The following STK39 variants were observed in gnomAD, a reference collection of about 807,000 sequenced individuals.
STK39 encodes STE20/SPS1-related proline-alanine-rich protein kinase.
Under a neutral mutation model 77.8 loss-of-function variants are expected in STK39, and 20 were observed. That is an observed-to-expected ratio of 0.26 (90% CI 0.18 to 0.37). STK39 has a LOEUF of 0.37. Among genes scored for constraint, STK39 ranks in the 10% least tolerant of loss-of-function variants. STK39 has a pLI of 1.00. For synonymous variants in STK39, 246 were observed against 234.1 expected (o/e 1.05, Z -0.47); for missense variants, 479 against 656.5 (o/e 0.73, Z 2.95).
intron 5 of STK39, among the ~76,000 whole-genome samples, chr2:168,150,437 C>G (rs1688249827): frequency 1.3e-5 from 2 of 152,120 alleles, no homozygotes; most frequent in African/African-American, 4.8e-5. Flanking sequence ...TGGGAATACA[C>G]AGATTTTTAT....
intron 14 of STK39, among the ~76,000 whole-genome samples, chr2:168,031,769 C>T (rs1428574049): frequency 2.0e-5 from 3 of 152,146 alleles, no homozygotes; most frequent in East Asian, 1.9e-4. Flanking sequence ...GACTTCTAGG[C>T]GCCAGAACAA....
Position 168,047,540 on chromosome 2 carries a change from A to G in STK39, c.1376+15960T>C, listed in dbSNP as rs191813777. 2.4e-4 allele frequency among the ~76,000 whole-genome samples: 36 copies of G among 152,338 alleles called. No individual in the cohort carries two copies. In the East Asian group the frequency reaches 5.8e-3, roughly 24 times the overall value. ...TAGAACGAGTTCCAGACAAACGTAC[A>G]AAGTTTGGTTTTACAAAATCCCCAG... On this transcript the variant is annotated intron_variant, in intron 14 of 17. Coordinates refer to ENST00000355999, the MANE Select transcript of STK39 (RefSeq NM_013233.3).
intron 1 of STK39, among the ~76,000 whole-genome samples, chr2:168,238,984 C>T (rs1478465920): frequency 1.3e-5 from 2 of 152,056 alleles, no homozygotes; most frequent in African/African-American, 2.4e-5. Flanking sequence ...CCAAAAAGTA[C>T]ACTGTAAAGG....
At chr2:168,109,574 G>A (rs895895674) in intron 10 of STK39, among the ~76,000 whole-genome samples, 3 of 152,074 alleles carry the variant, frequency 2.0e-5, no homozygotes, top group Non-Finnish European at 2.9e-5. Context: ...ATGGATTCTC[G>A]AAGCGTAAAA....
At chr2:168,157,936 T>G (rs1387863286) in intron 5 of STK39, among the ~76,000 whole-genome samples, 1 of 152,144 alleles carries the variant, frequency 6.6e-6, no homozygotes, top group Non-Finnish European at 1.5e-5. Context: ...TTTTTTTAAA[T>G]CTTAGATTAA....
In STK39 at chr2:168,163,792, A is replaced by T. The variant is rs1688633781; in HGVS notation, c.519T>A (p.Leu173=). ...AGTCTAAGCCTTCCAAAACCTCTTT[A>T]AGAATTGTTGCTATTATTGCCTCTT... is the stretch of plus-strand genomic sequence containing the variant. ...VLEEAIIATI[L]KEVLEGLDYL... Residue 173 remains leucine, a synonymous_variant, in exon 4 of 18, where the codon CTT becomes CTA. Coordinates refer to ENST00000355999, the MANE Select transcript of STK39 (RefSeq NM_013233.3). 6.2e-7 allele frequency: 1 copy of T among 1,613,906 alleles called. No homozygotes were observed. Among genetic ancestry groups the T allele is most frequent in the South Asian group, 1.1e-5 (1 of 91,088 alleles).
intron 10 of STK39, among the ~76,000 whole-genome samples, chr2:168,089,059 C>A (rs566500240): frequency 2.3e-4 from 35 of 152,198 alleles, no homozygotes; most frequent in Non-Finnish European, 4.3e-4. Context: ...ATTCCTCCCT[C>A]ACACCGGTGG....
intron 16 of STK39, among the ~76,000 whole-genome samples, chr2:167,980,480 G>A (rs1319256148): frequency 6.6e-6 from 1 of 152,202 alleles, no homozygotes; most frequent in Non-Finnish European, 1.5e-5. Context: ...CTTTGGAAAA[G>A]TTAAAATTAA....
chr2:168,167,245 C>A (rs1269216960), intron 3 of STK39, 54 bp downstream of exon 3: 7 of 1,461,132 alleles, frequency 4.8e-6, no homozygotes, highest in Non-Finnish European at 6.7e-6. Flanking sequence ...TATGCTGGTT[C>A]CAACAAAAGG....
intron 16 of STK39, among the ~76,000 whole-genome samples, chr2:167,979,543 CT>C (rs1487148883): frequency 6.6e-6 from 1 of 152,208 alleles, no homozygotes; most frequent in African/African-American, 2.4e-5. Context: ...GTAGAAGCCT[CT>C]TTCTAAAAAG....
intron 14 of STK39, among the ~76,000 whole-genome samples, chr2:168,021,106 C>A (rs1267910629): frequency 6.6e-6 from 1 of 152,132 alleles, no homozygotes; most frequent in Admixed American, 6.5e-5. Context: ...TAATTTGTGT[C>A]ATTGTTCATT....
chr2:168,152,472 C>T lies in STK39; in HGVS notation c.628+9315G>A, dbSNP rs527890925. Among the ~76,000 whole-genome samples, 9 of 152,258 alleles carry T rather than the reference C, an allele frequency of 5.9e-5. 1 individual carries two copies. The highest frequency in any genetic ancestry group is 2.1e-4 in the South Asian group (1 of 4,810). On this transcript the variant is annotated intron_variant, in intron 5 of 17. Coordinates refer to ENST00000355999, the MANE Select transcript of STK39 (RefSeq NM_013233.3). ...CTTGTCAATCTTCCTTACTTTACAA[C>T]GGAAGGAACTGAGCCCCGGCGCTCC...
Position 168,000,196 on chromosome 2 carries a change from T to A in STK39, c.1498+12438A>T, listed in dbSNP as rs6433024. On this transcript the variant is annotated intron_variant, in intron 16 of 17. Transcript: ENST00000355999. The stretch of plus-strand genomic sequence containing the variant: ...ATAAGATTAAACTTACATTTAATTA[T>A]TGCTAATTGAACACCTAAAGCCACT... Among the ~76,000 whole-genome samples, 761 of 152,228 alleles carry A rather than the reference T, an allele frequency of 5.0e-3. 5 individuals are homozygous for A. Among genetic ancestry groups the A allele is most frequent in the Non-Finnish European group, 7.5e-3 (509 of 68,012 alleles).
intron 4 of STK39, among the ~76,000 whole-genome samples, chr2:168,162,407 T>C (rs879048850): frequency 6.6e-6 from 1 of 151,940 alleles, no homozygotes; most frequent in Admixed American, 6.6e-5. Flanking sequence ...TATCCAAATT[T>C]AATTAAATCA....
chr2:168,065,456 C>G (rs1458747420), intron 12 of STK39, 75 bp from the exon 13 acceptor site: 2 of 1,417,818 alleles, frequency 1.4e-6, no homozygotes, highest in Non-Finnish European at 2.0e-6. Context: ...CATTAAGTCC[C>G]AATTATCAGA....
At chr2:168,048,952 G>A (rs1239157496) in intron 14 of STK39, among the ~76,000 whole-genome samples, 1 of 152,176 alleles carries the variant, frequency 6.6e-6, no homozygotes, top group East Asian at 1.9e-4. Context: ...TGCATCATCT[G>A]GCAAATGCCT....
chr2:168,036,966 C>T (rs1464353665), intron 14 of STK39, among the ~76,000 whole-genome samples: 1 of 152,166 alleles, frequency 6.6e-6, no homozygotes, highest in Non-Finnish European at 1.5e-5. Context: ...TTCAGAATAA[C>T]CTAATTTCTT....
chr2:168,016,638 G>A lies in STK39; in HGVS notation c.1429+405C>T, dbSNP rs988267555. 6.6e-5 allele frequency among the ~76,000 whole-genome samples: 10 copies of A among 152,154 alleles called. 1 individual carries two copies. The South Asian group carries it at 8.3e-4, about 13-fold the overall frequency. ...AAACACTCCCCAATAGAGACTTCAC[G>A]TAATCTGAGCTGAGATCACAGAAGC... On this transcript the variant is annotated intron_variant, in intron 15 of 17. Coordinates refer to ENST00000355999, the MANE Select transcript of STK39 (RefSeq NM_013233.3).
chr2:168,178,900 G>A (rs934130428), intron 2 of STK39, among the ~76,000 whole-genome samples: 1 of 152,166 alleles, frequency 6.6e-6, no homozygotes, highest in Admixed American at 6.5e-5. Context: ...CATCAATTCT[G>A]ACCTGTGTGT....
Sources: gnomAD v4.1 joint callset for allele counts (sites outside exome capture counted in the v4.1 genomes callset) on GRCh38, gnomAD v4.1.1 for gene constraint, MANE v1.5 for transcripts, NCBI Gene and HGNC (gene_info 2026-07-23, HGNC 2026-07-21) for gene names.